The following ZBTB20 variants were observed in gnomAD, a reference collection of about 807,000 sequenced individuals.
The protein encoded by ZBTB20 is zinc finger and BTB domain-containing protein 20.
In ZBTB20, 9 loss-of-function variants were observed where a neutral mutation model predicts 56.9. That is an observed-to-expected ratio of 0.16 (90% CI 0.10 to 0.28). The LOEUF (loss-of-function observed/expected upper bound fraction) is 0.28. Among genes scored for constraint, ZBTB20 ranks in the 10% least tolerant of loss-of-function variants. The probability of loss-of-function intolerance (pLI) is 1.00; values close to 1 mark genes in which losing one functional copy is unlikely to be tolerated. For missense variants in ZBTB20, 655 were observed against 1,003.0 expected (o/e 0.65, Z 4.69); for synonymous variants, 417 against 420.7 (o/e 0.99, Z 0.11).
At chr3:114,900,638 G>A (rs1009153767) in intron 3 of ZBTB20, 1 of 147,710 alleles carries the variant, frequency 6.8e-6, no homozygotes, top group Non-Finnish European at 1.5e-5. Flanking sequence ...TAGAGGACGA[G>A]GCAAACACTT....
intron 2 of ZBTB20, among the ~76,000 whole-genome samples, chr3:115,034,196 C>G (rs2080819886): frequency 6.6e-6 from 1 of 151,590 alleles, no homozygotes. Flanking sequence ...AAGGCAAGTA[C>G]TATTCCACAT....
chr3:114,871,946 C>A (rs2076027370), intron 4 of ZBTB20, among the ~76,000 whole-genome samples: 1 of 152,094 alleles, frequency 6.6e-6, no homozygotes, highest in Admixed American at 6.6e-5. Context: ...CTCCTGGTCC[C>A]AGTTCCTCCC....
chr3:114,839,359 C>T (rs1055475727), intron 4 of ZBTB20, among the ~76,000 whole-genome samples: 1 of 149,016 alleles, frequency 6.7e-6, no homozygotes, highest in African/African-American at 2.5e-5. Flanking sequence ...TGAGATCACA[C>T]CACTGCACTC....
intron 7 of ZBTB20, among the ~76,000 whole-genome samples, chr3:114,446,684 A>C (rs2091291473): frequency 6.6e-6 from 1 of 152,106 alleles, no homozygotes. Flanking sequence ...GTATCTTCTG[A>C]GAAGCCGGCC....
intron 1 of ZBTB20, among the ~76,000 whole-genome samples, chr3:115,075,373 A>T (rs555992767): frequency 6.6e-6 from 1 of 152,298 alleles, no homozygotes; most frequent in African/African-American, 2.4e-5. Flanking sequence ...AAGTGGAATC[A>T]TGTAGTATCT....
At chr3:115,076,928 C>T (rs1054648832) in intron 1 of ZBTB20, among the ~76,000 whole-genome samples, 1 of 152,154 alleles carries the variant, frequency 6.6e-6, no homozygotes, top group African/African-American at 2.4e-5. Context: ...CAATCTAGAT[C>T]CCTTGCATGC....
chr3:114,697,061 T>TAAA (rs35130350), intron 5 of ZBTB20, among the ~76,000 whole-genome samples: 2 of 110,826 alleles, frequency 1.8e-5, no homozygotes, highest in African/African-American at 3.5e-5. Flanking sequence ...TGTACTTTGT[T>TAAA]AAAAAAAAAA....
chr3:114,903,879 T>C (rs193221655), intron 3 of ZBTB20, among the ~76,000 whole-genome samples: 119 of 152,048 alleles, frequency 7.8e-4, no homozygotes, highest in African/African-American at 2.3e-3. Context: ...TTTGCAACTC[T>C]AAGTAAAAAA....
intron 6 of ZBTB20, among the ~76,000 whole-genome samples, chr3:114,555,428 C>T (rs1302556301): frequency 6.6e-6 from 1 of 151,996 alleles, no homozygotes; most frequent in Non-Finnish European, 1.5e-5. Context: ...GGTTATCATC[C>T]ATTGCTTTGA....
At chr3:114,473,023 C>T (rs1490240750) in intron 7 of ZBTB20, among the ~76,000 whole-genome samples, 2 of 152,174 alleles carry the variant, frequency 1.3e-5, no homozygotes, top group Non-Finnish European at 2.9e-5. Flanking sequence ...ATATATACAA[C>T]CTGACAGGTA....
intron 6 of ZBTB20, among the ~76,000 whole-genome samples, chr3:114,502,067 G>T (rs544470601): frequency 1.1e-3 from 164 of 152,112 alleles, no homozygotes; most frequent in Admixed American, 1.8e-3. Context: ...GGAGAGCCAT[G>T]ACAAATTAAT....
intron 3 of ZBTB20, 21 bp from the exon 4 acceptor site, chr3:114,900,363 A>ATCATG (rs1241425694): frequency 2.6e-5 from 4 of 151,708 alleles, no homozygotes; most frequent in Non-Finnish European, 5.9e-5. Context: ...AAAGAAATAT[A>ATCATG]TAAGTAAAAA....
At chr3:114,897,979 T>C (rs2074955259) in intron 4 of ZBTB20, among the ~76,000 whole-genome samples, 1 of 152,296 alleles carries the variant, frequency 6.6e-6, no homozygotes, top group East Asian at 1.9e-4. Flanking sequence ...ATTTTGACTC[T>C]ACTCTTGCTT....
At chr3:114,608,126 A>G (rs2057304612) in intron 6 of ZBTB20, among the ~76,000 whole-genome samples, 1 of 152,188 alleles carries the variant, frequency 6.6e-6, no homozygotes, top group Non-Finnish European at 1.5e-5. Flanking sequence ...GGCAATTGAT[A>G]TAGAGAAACA....
chr3:114,514,510 A>C (rs1270135380), intron 6 of ZBTB20, among the ~76,000 whole-genome samples: 1 of 152,214 alleles, frequency 6.6e-6, no homozygotes, highest in Non-Finnish European at 1.5e-5. Context: ...TGTATAGGGC[A>C]TGAGGGATTA....
intron 7 of ZBTB20, among the ~76,000 whole-genome samples, chr3:114,421,531 C>T (rs778623672): frequency 6.6e-6 from 1 of 152,084 alleles, no homozygotes; most frequent in East Asian, 1.9e-4. Context: ...TGGGTCATGC[C>T]GTAGCCTAAC....
intron 6 of ZBTB20, among the ~76,000 whole-genome samples, chr3:114,563,751 T>A (rs1358113078): frequency 6.6e-6 from 1 of 152,192 alleles, no homozygotes; most frequent in Non-Finnish European, 1.5e-5. Context: ...ATAGCAGGTA[T>A]ACCTCCAAAT....
At chr3:114,656,923 G>C (rs367575521) in intron 6 of ZBTB20, among the ~76,000 whole-genome samples, 4 of 152,054 alleles carry the variant, frequency 2.6e-5, no homozygotes, top group Non-Finnish European at 5.9e-5. Context: ...GATTATAGGC[G>C]TGAGCTACCG....
intron 6 of ZBTB20, among the ~76,000 whole-genome samples, chr3:114,686,422 A>C (rs1157972137): frequency 6.6e-6 from 1 of 152,226 alleles, no homozygotes; most frequent in Non-Finnish European, 1.5e-5. Flanking sequence ...GCAGGAAACA[A>C]GCAAATAAAA....
Sources: allele counts gnomAD v4.1 joint callset (sites outside exome capture counted in the v4.1 genomes callset), GRCh38; gene constraint gnomAD v4.1.1; transcripts MANE v1.5; gene names NCBI Gene and HGNC (gene_info 2026-07-23, HGNC 2026-07-21).